TMC1: variants seen among roughly 807,000 people sequenced by gnomAD.
The protein encoded by TMC1 is transmembrane channel like 1, also known as transmembrane channel-like protein 1.
Under a neutral mutation model 105.8 loss-of-function variants are expected in TMC1, and 84 were observed. The observed-to-expected ratio is 0.79, with a 90% CI of 0.67 to 0.95. TMC1 has a LOEUF of 0.95. Ranked by LOEUF, TMC1 falls within the 40% of genes least tolerant of loss-of-function variation. The pLI, the probability that TMC1 is intolerant of heterozygous loss-of-function variation, is 0.00. For synonymous variants in TMC1, 315 were observed against 311.5 expected, an observed-to-expected ratio of 1.01 and a Z score of -0.12; for missense variants, 817 against 914.1, an observed-to-expected ratio of 0.89 and a Z score of 1.37.
At chr9:72,578,173 G>T (rs1448071957) in intron 2 of TMC1, 150 bp downstream of exon 2, 1 of 152,236 alleles carries the variant, frequency 6.6e-6, no homozygotes, top group African/African-American at 2.4e-5. Flanking sequence ...CCGGCCTGTT[G>T]GTTGTAATTT....
chr9:72,639,895 T>C (rs1825596526), intron 4 of TMC1, among the ~76,000 whole-genome samples: 1 of 152,212 alleles, frequency 6.6e-6, no homozygotes, highest in Non-Finnish European at 1.5e-5. Context: ...TAGGCACTAC[T>C]TACCCCCCAA....
At chr9:72,576,200 A>G (rs986684762) in intron 1 of TMC1, among the ~76,000 whole-genome samples, 34 of 152,328 alleles carry the variant, frequency 2.2e-4, no homozygotes, top group Admixed American at 6.5e-4. Context: ...AGTTTTATAG[A>G]GCAAGAGCTG....
chr9:72,526,452 C>T (rs1236603313), intron 1 of TMC1, among the ~76,000 whole-genome samples: 2 of 152,128 alleles, frequency 1.3e-5, no homozygotes, highest in Non-Finnish European at 2.9e-5. Context: ...ATCATGTAAG[C>T]CTGGTTCTCC....
intron 2 of TMC1, among the ~76,000 whole-genome samples, chr9:72,614,143 A>G (rs911541592): frequency 2.0e-5 from 3 of 152,216 alleles, no homozygotes; most frequent in African/African-American, 4.8e-5. Context: ...TCCTTGTTCA[A>G]TGACCAGAGA....
At chr9:72,591,257 T>G (rs1489096493) in intron 2 of TMC1, among the ~76,000 whole-genome samples, 1 of 152,224 alleles carries the variant, frequency 6.6e-6, no homozygotes, top group Non-Finnish European at 1.5e-5. Flanking sequence ...TCAGTCTGGC[T>G]GCAAGGCAGA....
At chr9:72,805,897 A>T (rs1000014019) in intron 18 of TMC1, among the ~76,000 whole-genome samples, 1 of 152,214 alleles carries the variant, frequency 6.6e-6, no homozygotes, top group Non-Finnish European at 1.5e-5. Context: ...ACGGCAGAAG[A>T]AGTTTTCTTA....
In TMC1 at chr9:72,800,870, G is replaced by A. The variant is rs1432212130; in HGVS notation, c.1567-4512G>A. 2.6e-5 allele frequency among the ~76,000 whole-genome samples: 4 copies of A among 152,072 alleles called. No homozygotes were observed. The East Asian group carries it at 5.8e-4, about 22-fold the overall frequency. On this transcript the variant is annotated intron_variant, in intron 17 of 23. Transcript: ENST00000297784. ...TCTCTGGGAACAAAAAGAACATATA[G>A]GACATAACAAATCTGAGTGCTGGCA...
At chr9:72,804,895 T>C (rs1165561497) in intron 17 of TMC1, among the ~76,000 whole-genome samples, 1 of 152,264 alleles carries the variant, frequency 6.6e-6, no homozygotes, top group African/African-American at 2.4e-5. Context: ...CGTTTGTATA[T>C]GTTCTTCTGT....
intron 8 of TMC1, among the ~76,000 whole-genome samples, chr9:72,733,938 A>G (rs1449796119): frequency 6.6e-6 from 1 of 152,134 alleles, no homozygotes; most frequent in Non-Finnish European, 1.5e-5. Context: ...CCAAATTGCC[A>G]GCATCACTAA....
chr9:72,757,218 T>G (rs1827688216), intron 12 of TMC1, among the ~76,000 whole-genome samples: 1 of 152,212 alleles, frequency 6.6e-6, no homozygotes, highest in African/African-American at 2.4e-5. Flanking sequence ...CTGGGGTTAG[T>G]AGTGATTTTA....
chr9:72,688,889 G>A, intron 6 of TMC1, 133 bp downstream of exon 6: 1 of 794,988 alleles, frequency 1.3e-6, no homozygotes, highest in Non-Finnish European at 2.1e-6. Context: ...TGGTCTCACA[G>A]GAGGAATCAA....
intron 4 of TMC1, among the ~76,000 whole-genome samples, chr9:72,639,463 T>A (rs1487091665): frequency 6.6e-6 from 1 of 152,148 alleles, no homozygotes; most frequent in African/African-American, 2.4e-5. Context: ...ATGGATTTTT[T>A]AGAAACCTAA....
At chr9:72,551,738 C>T (rs1170093239) in intron 1 of TMC1, among the ~76,000 whole-genome samples, 3 of 152,102 alleles carry the variant, frequency 2.0e-5, no homozygotes, top group African/African-American at 4.8e-5. Context: ...AGGATGTTTA[C>T]AGATGTAATC....
chr9:72,778,368 C>T (rs1828037526), intron 13 of TMC1, among the ~76,000 whole-genome samples: 1 of 152,146 alleles, frequency 6.6e-6, no homozygotes, highest in African/African-American at 2.4e-5. Flanking sequence ...GAATGCTATG[C>T]TCAGGAATGA....
At chr9:72,808,986 C>T (rs149480292) in intron 18 of TMC1, 72 of 152,374 alleles carry the variant, frequency 4.7e-4, no homozygotes, top group African/African-American at 1.6e-3. Context: ...TAATGCTCTT[C>T]GGTGAACGAC....
chr9:72,606,116 A>C (rs1000713837), intron 2 of TMC1, among the ~76,000 whole-genome samples: 1 of 152,218 alleles, frequency 6.6e-6, no homozygotes, highest in Non-Finnish European at 1.5e-5. Flanking sequence ...GGTTGTAGTC[A>C]GCTGTCAGTT....
At chr9:72,806,021 G>A (rs1244949493) in intron 18 of TMC1, among the ~76,000 whole-genome samples, 2 of 152,086 alleles carry the variant, frequency 1.3e-5, no homozygotes, top group African/African-American at 4.8e-5. Context: ...CCACAAAGCC[G>A]CCATTGTCAT....
intron 8 of TMC1, among the ~76,000 whole-genome samples, chr9:72,701,856 T>C (rs1329300395): frequency 1.3e-5 from 2 of 152,134 alleles, no homozygotes; most frequent in Non-Finnish European, 2.9e-5. Context: ...TAAACAATGG[T>C]TTTCCCAGAA....
At chr9:72,750,854 A>G (rs973630649) in intron 10 of TMC1, among the ~76,000 whole-genome samples, 4 of 152,162 alleles carry the variant, frequency 2.6e-5, no homozygotes, top group Non-Finnish European at 5.9e-5. Flanking sequence ...CCAACTGCAC[A>G]GGCCTGAGTT....
Sources: gnomAD v4.1 joint callset for allele counts (sites outside exome capture counted in the v4.1 genomes callset) on GRCh38, gnomAD v4.1.1 for gene constraint, MANE v1.5 for transcripts, NCBI Gene and HGNC (gene_info 2026-07-23, HGNC 2026-07-21) for gene names.